The following LHFPL3 variants were observed in gnomAD, a reference collection of about 807,000 sequenced individuals.
The protein encoded by LHFPL3 is LHFPL tetraspan subfamily member 3, also known as LHFPL tetraspan subfamily member 3 protein.
LHFPL3 carries 5 observed loss-of-function variants against 19.3 expected under a neutral mutation model. The observed-to-expected ratio is 0.26, with a 90% CI of 0.14 to 0.54. The LOEUF is 0.54. Ranked by LOEUF, LHFPL3 falls within the 20% of genes least tolerant of loss-of-function variation. The pLI, the probability that LHFPL3 is intolerant of heterozygous loss-of-function variation, is 0.94. For missense variants in LHFPL3, 249 were observed against 307.4 expected, an observed-to-expected ratio of 0.81 and a Z score of 1.42; for synonymous variants, 133 against 126.2, an observed-to-expected ratio of 1.05 and a Z score of -0.36.
chr7:104,357,447 T>C (rs1790302594), intron 1 of LHFPL3, among the ~76,000 whole-genome samples: 1 of 152,176 alleles, frequency 6.6e-6, no homozygotes, highest in African/African-American at 2.4e-5. Flanking sequence ...GTCTAAAACA[T>C]CCATTTGTAA....
chr7:104,850,056 A>G (rs1344148166), intron 2 of LHFPL3, among the ~76,000 whole-genome samples: 1 of 152,156 alleles, frequency 6.6e-6, no homozygotes, highest in Non-Finnish European at 1.5e-5. Context: ...TAATCCCAGC[A>G]GTTTGGGAGG....
intron 1 of LHFPL3, among the ~76,000 whole-genome samples, chr7:104,443,765 C>T (rs1230531760): frequency 6.6e-6 from 1 of 152,236 alleles, no homozygotes; most frequent in Non-Finnish European, 1.5e-5. Flanking sequence ...TGCATCCTCA[C>T]TTCCTGCATG....
At chr7:104,752,897 CCTCT>C (rs1176821005) in intron 2 of LHFPL3, 5 of 340,508 alleles carry the variant, frequency 1.5e-5, no homozygotes, top group Non-Finnish European at 2.6e-5. Context: ...CAGCTCACAG[CCTCT>C]CTACCATCAA....
chr7:104,865,164 G>A (rs1791696585), intron 2 of LHFPL3, among the ~76,000 whole-genome samples: 1 of 152,194 alleles, frequency 6.6e-6, no homozygotes, highest in Non-Finnish European at 1.5e-5. Flanking sequence ...AAAAATCAGA[G>A]CGCCTCTCCT....
At chr7:104,590,897 T>C (rs1156682931) in intron 1 of LHFPL3, among the ~76,000 whole-genome samples, 2 of 152,216 alleles carry the variant, frequency 1.3e-5, no homozygotes, top group African/African-American at 4.8e-5. Context: ...TGATCTTTGT[T>C]GGTTTAAAGT....
At chr7:104,329,312 C>G in intron 1 of LHFPL3, 88 bp downstream of exon 1, 1 of 1,457,020 alleles carries the variant, frequency 6.9e-7, no homozygotes, top group Admixed American at 2.3e-5. Flanking sequence ...GGGGGCTGTG[C>G]GCGCCGCTGC....
At chr7:104,719,359 T>A (rs1793445827) in intron 1 of LHFPL3, among the ~76,000 whole-genome samples, 1 of 152,068 alleles carries the variant, frequency 6.6e-6, no homozygotes, top group South Asian at 2.1e-4. Context: ...AAAGCCAACT[T>A]AAAATATCGA....
At chr7:104,672,056 C>CGTGT (rs58978969) in intron 1 of LHFPL3, among the ~76,000 whole-genome samples, 10,654 of 99,898 alleles carry the variant, frequency 0.11, 628 homozygotes, top group African/African-American at 0.21. Flanking sequence ...CTTTAACTTC[C>CGTGT]AAGTGTGTGT....
intron 2 of LHFPL3, among the ~76,000 whole-genome samples, chr7:104,840,529 G>C (rs1269277586): frequency 7.7e-6 from 1 of 129,052 alleles, no homozygotes. Flanking sequence ...TTGTTGCCTA[G>C]GCTGGTCTTG....
intron 2 of LHFPL3, among the ~76,000 whole-genome samples, chr7:104,871,904 C>T (rs1462961912): frequency 5.3e-5 from 8 of 151,880 alleles, no homozygotes; most frequent in African/African-American, 9.7e-5. Context: ...GTGATCTGCC[C>T]GCCTCGGCCT....
intron 1 of LHFPL3, among the ~76,000 whole-genome samples, chr7:104,473,880 A>G (rs1792956040): frequency 6.6e-6 from 1 of 152,262 alleles, no homozygotes; most frequent in Admixed American, 6.5e-5. Flanking sequence ...CAGTAAAAGT[A>G]AAAAGTAAAA....
intron 1 of LHFPL3, among the ~76,000 whole-genome samples, chr7:104,644,308 G>A (rs138438005): frequency 8.9e-4 from 135 of 152,260 alleles, no homozygotes; most frequent in African/African-American, 3.1e-3. Flanking sequence ...CATAGCCCTT[G>A]TGCAAACACT....
chr7:104,682,674 G>T (rs1430491360), intron 1 of LHFPL3, among the ~76,000 whole-genome samples: 1 of 152,092 alleles, frequency 6.6e-6, no homozygotes, highest in Non-Finnish European at 1.5e-5. Context: ...TTGGATAAAT[G>T]GGGCCCCTTC....
Position 104,906,541 on chromosome 7 carries a change from T to G in LHFPL3, c.*326T>G, listed in dbSNP as rs913379490. The G allele has an allele frequency of 3.0e-6, 1 of 334,490 alleles. No individual in the cohort carries two copies. The highest frequency in any genetic ancestry group is 5.4e-6 in the Non-Finnish European group (1 of 184,684). 20.7% of individuals were successfully genotyped at this position (334,490 alleles called of 1,614,324 possible). ...GAATATAAATGCTCTAGAGTTAACATGTAAAATATATACGTACTGAGGTTT... is the reference window on the plus strand; with the variant it reads ...GAATATAAATGCTCTAGAGTTAACAGGTAAAATATATACGTACTGAGGTTT... On this transcript the variant is annotated 3_prime_UTR_variant, in exon 3 of 3. Coordinates refer to ENST00000424859, the MANE Select transcript of LHFPL3 (RefSeq NM_199000.3).
At chr7:104,896,687 G>A (rs577108251) in intron 2 of LHFPL3, among the ~76,000 whole-genome samples, 1 of 152,336 alleles carries the variant, frequency 6.6e-6, no homozygotes, top group South Asian at 2.1e-4. Context: ...GCAGTCTGAG[G>A]TGGGAAACCC....
At chr7:104,652,171 G>A (rs1380921705) in intron 1 of LHFPL3, among the ~76,000 whole-genome samples, 1 of 152,000 alleles carries the variant, frequency 6.6e-6, no homozygotes, top group Non-Finnish European at 1.5e-5. Context: ...CTGAGAAGAT[G>A]GGATGTCCAC....
intron 1 of LHFPL3, among the ~76,000 whole-genome samples, chr7:104,561,617 G>A (rs1431361068): frequency 6.6e-6 from 1 of 152,154 alleles, no homozygotes; most frequent in Non-Finnish European, 1.5e-5. Flanking sequence ...GCACACTGAT[G>A]GGTCTTGACT....
At chr7:104,592,563 C>G (rs1790748653) in intron 1 of LHFPL3, among the ~76,000 whole-genome samples, 1 of 152,142 alleles carries the variant, frequency 6.6e-6, no homozygotes. Flanking sequence ...CAGGGACCCA[C>G]TTGAGGCAGT....
At chr7:104,450,545 G>A (rs1792413751) in intron 1 of LHFPL3, among the ~76,000 whole-genome samples, 1 of 152,094 alleles carries the variant, frequency 6.6e-6, no homozygotes, top group South Asian at 2.1e-4. Context: ...GACACAGGGA[G>A]GGGAACATCA....
Sources: gnomAD v4.1 joint callset for allele counts (sites outside exome capture counted in the v4.1 genomes callset) on GRCh38, gnomAD v4.1.1 for gene constraint, MANE v1.5 for transcripts, NCBI Gene and HGNC (gene_info 2026-07-23, HGNC 2026-07-21) for gene names.